Variants in LIPI observed in about 807,000 individuals in gnomAD.
The protein encoded by LIPI is lipase I, also known as lipase member I.
Under a neutral mutation model 50.6 loss-of-function variants are expected in LIPI, and 59 were observed. The observed-to-expected ratio is 1.16, with a 90% CI of 0.94 to 1.45. LIPI has a LOEUF of 1.45. Ranked by LOEUF, LIPI falls within the 40% of genes most tolerant of loss-of-function variation. The pLI is 0.00. For missense variants in LIPI, 586 were observed against 536.3 expected (o/e 1.09, Z -0.92); for synonymous variants, 203 against 178.2 (o/e 1.14, Z -1.11).
chr21:14,117,771 G>T (rs1568830995), intron 9 of LIPI, among the ~76,000 whole-genome samples: 1 of 152,160 alleles, frequency 6.6e-6, no homozygotes, highest in Non-Finnish European at 1.5e-5. Context: ...AGAGGCTGGA[G>T]GGGTTTGAAG....
At chr21:14,130,591 G>A (rs11702387) in intron 9 of LIPI, among the ~76,000 whole-genome samples, 20,900 of 152,110 alleles carry the variant, frequency 0.14, 1,899 homozygotes, top group South Asian at 0.21. Flanking sequence ...GTGGAGCACC[G>A]CCCTCTCTGG....
At chr21:14,202,322 G>A (rs540226804) in intron 1 of LIPI, among the ~76,000 whole-genome samples, 5 of 152,180 alleles carry the variant, frequency 3.3e-5, no homozygotes, top group East Asian at 3.9e-4. Context: ...CACAGAATTC[G>A]AAAAAACTAT....
chr21:14,136,472 G>C (rs984648510), intron 9 of LIPI, among the ~76,000 whole-genome samples: 5 of 152,164 alleles, frequency 3.3e-5, no homozygotes, highest in African/African-American at 1.2e-4. Context: ...ATGGGGTGAG[G>C]CTCCCCTGTC....
intron 9 of LIPI, among the ~76,000 whole-genome samples, chr21:14,123,492 T>C (rs2016940136): frequency 6.6e-6 from 1 of 152,030 alleles, no homozygotes; most frequent in Non-Finnish European, 1.5e-5. Flanking sequence ...TTCCTCTTGC[T>C]CCCACCAAAA....
intron 7 of LIPI, among the ~76,000 whole-genome samples, chr21:14,156,689 G>A (rs367600859): frequency 1.3e-5 from 2 of 151,992 alleles, no homozygotes; most frequent in African/African-American, 4.8e-5. Flanking sequence ...ACATATACAA[G>A]TGGAAAAGTG....
intron 1 of LIPI, among the ~76,000 whole-genome samples, chr21:14,194,889 C>T (rs1240944583): frequency 1.3e-5 from 2 of 152,176 alleles, no homozygotes; most frequent in Non-Finnish European, 2.9e-5. Context: ...TTATAGATAT[C>T]TCATCCCAGA....
rs1005469836 is a variant in LIPI, at chr21:14,161,935, T to C, written c.1006+1484A>G. On this transcript the variant is annotated intron_variant, in intron 7 of 9. Coordinates refer to ENST00000681601, the MANE Select transcript of LIPI (RefSeq NM_001302998.2). ...ATATAGATATATGTATTTCTCTATT[T>C]ATAGATATATAGATATATTATTTCA... Among the ~76,000 whole-genome samples the C allele has an allele frequency of 1.1e-4, 14 of 130,446 alleles. 1 individual carries two copies. In the East Asian group the frequency reaches 3.2e-3, roughly 29 times the overall value. The allele number at this position is 130,446 out of a possible 152,430, so 85.6% of individuals were successfully genotyped here.
At chr21:14,174,325 C>A (rs149049866) in intron 4 of LIPI, among the ~76,000 whole-genome samples, 3 of 152,088 alleles carry the variant, frequency 2.0e-5, no homozygotes, top group African/African-American at 4.8e-5. Context: ...TTTAATTTTC[C>A]TTTTATTGTA....
chr21:14,165,094 AT>A, intron 6 of LIPI, 128 bp downstream of exon 6: 1 of 696,296 alleles, frequency 1.4e-6, no homozygotes, highest in Admixed American at 2.2e-5. Flanking sequence ...TCTACAGATG[AT>A]TTTTCCATAA....
intron 2 of LIPI, among the ~76,000 whole-genome samples, chr21:14,188,645 G>A (rs142127755): frequency 3.9e-4 from 58 of 149,552 alleles, no homozygotes; most frequent in African/African-American, 1.2e-3. Context: ...TATTTTAGCC[G>A]TATATTTTAA....
At chr21:14,122,261 TG>T (rs2016892006) in intron 9 of LIPI, among the ~76,000 whole-genome samples, 1 of 152,174 alleles carries the variant, frequency 6.6e-6, no homozygotes, top group African/African-American at 2.4e-5. Flanking sequence ...AGGAATCCCC[TG>T]GGGACATGTG....
intron 9 of LIPI, among the ~76,000 whole-genome samples, chr21:14,138,267 T>C (rs1362656855): frequency 1.3e-5 from 2 of 152,064 alleles, no homozygotes; most frequent in Non-Finnish European, 2.9e-5. Flanking sequence ...ACAGGATAGA[T>C]AGATAGATAA....
intron 9 of LIPI, among the ~76,000 whole-genome samples, chr21:14,128,841 T>C (rs924353143): frequency 6.6e-6 from 1 of 152,118 alleles, no homozygotes; most frequent in African/African-American, 2.4e-5. Flanking sequence ...ATTATCTAAC[T>C]TTCTTAGTCA....
At chr21:14,195,386 G>C (rs2019810315) in intron 1 of LIPI, among the ~76,000 whole-genome samples, 1 of 120,618 alleles carries the variant, frequency 8.3e-6, no homozygotes, top group South Asian at 2.5e-4. Context: ...CTTAATAAAT[G>C]CAGGGACATT....
In LIPI at chr21:14,167,191, G is replaced by C. The variant is rs148172494; in HGVS notation, c.644-740C>G. On this transcript the variant is annotated intron_variant, in intron 4 of 9. Transcript: ENST00000681601. ...GCCTGCCATTGCCCAGGCTTGCTTA[G>C]GTAAACAAAGCAGCTGGGAAGCTTG... 8.8e-3 allele frequency among the ~76,000 whole-genome samples: 1,337 copies of C among 152,310 alleles called. 15 individuals carry two copies. Among genetic ancestry groups the C allele is most frequent in the African/African-American group, 0.03 (1,242 of 41,574 alleles).
At position 14,158,802 on chromosome 21, in the gene LIPI, T is replaced by A. The variant is rs1431130329; in HGVS notation, c.1006+4617A>T. On this transcript the variant is annotated intron_variant, in intron 7 of 9. Coordinates refer to ENST00000681601, the MANE Select transcript of LIPI (RefSeq NM_001302998.2). ...TCAAGACACAAATCACTGTTAGGAA[T>A]AAAACAAAAGGCATTACTAAAGATA... 4.0e-5 allele frequency among the ~76,000 whole-genome samples: 6 copies of A among 150,608 alleles called. No homozygotes were observed. In the East Asian group the frequency reaches 9.7e-4, roughly 24 times the overall value.
rs2123126297 is a variant in LIPI at position 14,159,754 on chromosome 21, T to C, written c.1006+3665A>G. Among the ~76,000 whole-genome samples, 2 of 151,566 alleles carry C rather than the reference T, an allele frequency of 1.3e-5. 1 individual carries two copies. Among genetic ancestry groups the C allele is most frequent in the South Asian group, 4.1e-4 (2 of 4,826 alleles). On this transcript the variant is annotated intron_variant, in intron 7 of 9. Coordinates refer to ENST00000681601, the MANE Select transcript of LIPI (RefSeq NM_001302998.2). ...ACATAGAAAATTCCAATGAATCTAT[T>C]GTTTTAACCTAGAAACAATAAATGA...
intron 1 of LIPI, chr21:14,206,955 T>G: frequency 7.3e-7 from 1 of 1,375,002 alleles, no homozygotes; most frequent in Non-Finnish European, 1.0e-6. Context: ...TCACTAGCTC[T>G]TTGTTTATTC....
chr21:14,165,430 T>G (rs1223969397), intron 5 of LIPI, 40 bp from the exon 6 acceptor site: 7 of 1,441,112 alleles, frequency 4.9e-6, no homozygotes, highest in Non-Finnish European at 6.8e-6. Context: ...GTAGATGTAT[T>G]AAGCCATGTT....
Sources: gnomAD v4.1 joint callset for allele counts (sites outside exome capture counted in the v4.1 genomes callset) on GRCh38, gnomAD v4.1.1 for gene constraint, MANE v1.5 for transcripts, NCBI Gene and HGNC (gene_info 2026-07-23, HGNC 2026-07-21) for gene names.